ERC2: variants seen among roughly 807,000 people sequenced by gnomAD.
ERC2 encodes ERC protein 2.
ERC2 carries 42 observed loss-of-function variants against 114.8 expected under a neutral mutation model. That is an observed-to-expected ratio of 0.37 (90% confidence interval 0.29 to 0.47). The LOEUF is 0.47. Among genes scored for constraint, ERC2 ranks in the 20% least tolerant of loss-of-function variants. The pLI is 0.99. For missense variants in ERC2, 939 were observed against 1,150.7 expected (o/e 0.82, Z 2.66); for synonymous variants, 454 against 425.5 (o/e 1.07, Z -0.82).
intron 17 of ERC2, among the ~76,000 whole-genome samples, chr3:55,607,377 G>A (rs971005641): frequency 6.6e-6 from 1 of 152,148 alleles, no homozygotes; most frequent in African/African-American, 2.4e-5. Flanking sequence ...GCCAAGACTG[G>A]GGTGGGTCAG....
rs200291480 is a variant in ERC2 at position 55,910,570 on chromosome 3, C to T, written c.2404-22021G>A. 9.2e-5 allele frequency among the ~76,000 whole-genome samples: 14 copies of T among 152,052 alleles called. No individual in the cohort carries two copies. The East Asian group carries it at 2.1e-3, about 23-fold the overall frequency. ...TTTCCCTAAGAGTCAACATCAATACCCCAAAACTAATTAACTAATAAGTAT... is the reference window on the plus strand; with the variant it reads ...TTTCCCTAAGAGTCAACATCAATACTCCAAAACTAATTAACTAATAAGTAT... On this transcript the variant is annotated intron_variant, in intron 13 of 17. Transcript: ENST00000288221.
At chr3:55,856,049 C>A (rs754876221) in intron 14 of ERC2, among the ~76,000 whole-genome samples, 118 of 152,212 alleles carry the variant, frequency 7.8e-4, no homozygotes, top group Non-Finnish European at 9.6e-4. Context: ...CTCTTCTTGG[C>A]ACCACTAAAA....
At chr3:56,160,967 G>A (rs2082014683) in intron 4 of ERC2, among the ~76,000 whole-genome samples, 1 of 152,114 alleles carries the variant, frequency 6.6e-6, no homozygotes, top group African/African-American at 2.4e-5. Flanking sequence ...TTGGATGTTT[G>A]CTCCAAATCT....
chr3:56,418,768 G>C (rs2061271234), intron 2 of ERC2, among the ~76,000 whole-genome samples: 1 of 152,192 alleles, frequency 6.6e-6, no homozygotes, highest in African/African-American at 2.4e-5. Flanking sequence ...GACTTTACAT[G>C]CTGGCCTGAG....
chr3:55,779,327 C>CAAAAAAAAAAAAA (rs60185894), intron 14 of ERC2, among the ~76,000 whole-genome samples: 3 of 62,452 alleles, frequency 4.8e-5, no homozygotes, highest in Non-Finnish European at 1.0e-4. Flanking sequence ...ACTAAAAATA[C>CAAAAAAAAAAAAA]AAAAAAAAAA....
chr3:55,746,278 G>A (rs1200999953), intron 14 of ERC2, among the ~76,000 whole-genome samples: 7 of 152,048 alleles, frequency 4.6e-5, no homozygotes, highest in Non-Finnish European at 8.8e-5. Context: ...CTGTCACCCA[G>A]GCTGGAGTGC....
At chr3:56,037,632 G>T (rs2149647698) in intron 7 of ERC2, among the ~76,000 whole-genome samples, 1 of 152,278 alleles carries the variant, frequency 6.6e-6, no homozygotes, top group Admixed American at 6.5e-5. Flanking sequence ...ACATACTTCA[G>T]GATATCATCC....
intron 2 of ERC2, among the ~76,000 whole-genome samples, chr3:56,314,678 G>A (rs11130512): frequency 0.22 from 33,328 of 152,038 alleles, 4,303 homozygotes; most frequent in Non-Finnish European, 0.28. Flanking sequence ...GCCACAAGCT[G>A]GTACATGCAT....
At chr3:56,058,367 C>A (rs1432931549) in intron 7 of ERC2, among the ~76,000 whole-genome samples, 2 of 152,196 alleles carry the variant, frequency 1.3e-5, no homozygotes, top group East Asian at 3.9e-4. Flanking sequence ...TGATTGCTCA[C>A]CACACCACAC....
At chr3:55,967,661 C>T (rs1453566819) in intron 12 of ERC2, among the ~76,000 whole-genome samples, 1 of 152,166 alleles carries the variant, frequency 6.6e-6, no homozygotes, top group African/African-American at 2.4e-5. Flanking sequence ...TTAAATGTGT[C>T]CCCCAAAGTT....
chr3:55,652,697 C>G (rs895052733), intron 17 of ERC2, among the ~76,000 whole-genome samples: 4 of 151,856 alleles, frequency 2.6e-5, no homozygotes, highest in African/African-American at 9.7e-5. Context: ...CATAGTGAAA[C>G]CCCATCTCTC....
chr3:56,434,585 CT>C lies in ERC2; in HGVS notation c.422del (p.Gln141ArgfsTer2). 6.2e-7 allele frequency: 1 copy of C among 1,613,944 alleles called. No homozygotes were observed. Among genetic ancestry groups the C allele is most frequent in the Non-Finnish European group, 8.5e-7 (1 of 1,179,882 alleles). On this transcript the variant is annotated frameshift_variant, in exon 2 of 18. Coordinates refer to ENST00000288221, the MANE Select transcript of ERC2 (RefSeq NM_015576.3). LOFTEE classifies it high-confidence loss of function. ...GATCTAACATTGTGCTGTCTCTTAC[CT>C]GCCTCAACATGGAGGGGACCTGGTG... ...HHHQVPSMLR[Q>X]VRDSTMLDLQ...
intron 14 of ERC2, among the ~76,000 whole-genome samples, chr3:55,820,678 A>T (rs1410998100): frequency 6.6e-6 from 1 of 152,192 alleles, no homozygotes; most frequent in African/African-American, 2.4e-5. Flanking sequence ...TAAGTAGTGG[A>T]GCCAGATCTC....
intron 7 of ERC2, among the ~76,000 whole-genome samples, chr3:56,051,143 C>T (rs902483769): frequency 1.3e-5 from 2 of 152,126 alleles, no homozygotes; most frequent in Non-Finnish European, 2.9e-5. Flanking sequence ...GGGCTGTAGG[C>T]TTTACCAGAA....
intron 3 of ERC2, among the ~76,000 whole-genome samples, chr3:56,277,933 A>G (rs1391436904): frequency 6.6e-6 from 1 of 152,096 alleles, no homozygotes; most frequent in East Asian, 1.9e-4. Context: ...GAGGATTGGG[A>G]GCACAGGACT....
intron 12 of ERC2, among the ~76,000 whole-genome samples, chr3:55,978,634 G>C (rs192060435): frequency 1.3e-5 from 2 of 152,186 alleles, no homozygotes. Context: ...TCCACGCTCA[G>C]TGTGCATCTC....
rs555229714 is a variant in ERC2 at position 55,547,996 on chromosome 3, C to G, written c.*40-36720G>C. Among the ~76,000 whole-genome samples, 17 of 152,342 alleles carry G rather than the reference C, an allele frequency of 1.1e-4. No homozygotes were observed. The South Asian group carries it at 3.5e-3, about 32-fold the overall frequency. On this transcript the variant is annotated intron_variant, in intron 17 of 17. Coordinates refer to ENST00000288221, the MANE Select transcript of ERC2 (RefSeq NM_015576.3). ...GGCCAGGGGGCCTTCTTCAGGCTGT[C>G]AGGTCTAGCCCGGAGTTGAAGATGC...
At chr3:55,669,830 A>G (rs2061490952) in intron 17 of ERC2, among the ~76,000 whole-genome samples, 1 of 152,226 alleles carries the variant, frequency 6.6e-6, no homozygotes, top group South Asian at 2.1e-4. Context: ...GTGTGTGCCA[A>G]TGCAAAGCCC....
intron 3 of ERC2, among the ~76,000 whole-genome samples, chr3:56,259,726 C>A (rs1183162999): frequency 6.6e-6 from 1 of 151,998 alleles, no homozygotes; most frequent in Non-Finnish European, 1.5e-5. Flanking sequence ...AGAGCCCCTG[C>A]CCTAAGGGAC....
Sources: allele counts gnomAD v4.1 joint callset (sites outside exome capture counted in the v4.1 genomes callset), GRCh38; gene constraint gnomAD v4.1.1; transcripts MANE v1.5; gene names NCBI Gene and HGNC (gene_info 2026-07-23, HGNC 2026-07-21).